Variants in EML4 observed in about 807,000 individuals in gnomAD.
EML4 encodes the protein EMAP like 4.
In EML4, 72 loss-of-function variants were observed where a neutral mutation model predicts 129.0. The ratio of observed to expected loss-of-function variants is 0.56; its 90% CI spans 0.46 to 0.68. The LOEUF is 0.68. Ranked by LOEUF, EML4 falls within the 30% of genes least tolerant of loss-of-function variation. The pLI is 0.00. For synonymous variants in EML4, 532 were observed against 405.0 expected (o/e 1.31, Z -3.77); for missense variants, 1,363 against 1,190.6 (o/e 1.14, Z -2.13).
chr2:42,176,613 C>T (rs923260395), intron 1 of EML4, among the ~76,000 whole-genome samples: 2 of 152,150 alleles, frequency 1.3e-5, no homozygotes, highest in African/African-American at 4.8e-5. Flanking sequence ...TATTTCCTTT[C>T]TAAAAATGTT....
chr2:42,261,500 A>G (rs1486154816), intron 4 of EML4: 4 of 169,630 alleles, frequency 2.4e-5, no homozygotes, highest in East Asian at 2.2e-4. Context: ...AAAACTGGAA[A>G]AAAAAAAAAA....
At chr2:42,173,496 G>C (rs1413428603) in intron 1 of EML4, among the ~76,000 whole-genome samples, 1 of 152,072 alleles carries the variant, frequency 6.6e-6, no homozygotes, top group Non-Finnish European at 1.5e-5. Flanking sequence ...TGGTTCTTAT[G>C]GGAAAGACAA....
In EML4 at chr2:42,176,464, C is replaced by T. The variant is rs577628856; in HGVS notation, c.25+6828C>T. ...ACATTCAAACATCTTAGCCTCTTAA[C>T]ATCTTCTCAAGTCCTCTGTCATCTC... On this transcript the variant is annotated intron_variant, in intron 1 of 22. Coordinates refer to ENST00000318522, the MANE Select transcript of EML4 (RefSeq NM_019063.5). Among the ~76,000 whole-genome samples the T allele has an allele frequency of 6.6e-5, 10 of 152,318 alleles. No individual in the cohort carries two copies. The South Asian group carries it at 2.1e-3, about 32-fold the overall frequency.
At chr2:42,203,451 T>G (rs1057027546) in intron 1 of EML4, among the ~76,000 whole-genome samples, 1 of 152,240 alleles carries the variant, frequency 6.6e-6, no homozygotes, top group East Asian at 1.9e-4. Flanking sequence ...AAGCAAAGTA[T>G]ATTGACATAG....
rs537166498 is a variant in EML4, at chr2:42,331,884, G to C, written c.*1677G>C. 2.2e-4 allele frequency: 49 copies of C among 218,330 alleles called. No individual in the cohort carries two copies. The highest frequency in any genetic ancestry group is 1.1e-3 in the African/African-American group (49 of 44,584). 13.5% of individuals were successfully genotyped at this position (218,330 alleles called of 1,614,324 possible). A position where few individuals can be genotyped will look rare whatever the true frequency, so the allele number is the denominator to read the frequency against. On this transcript the variant is annotated 3_prime_UTR_variant, in exon 23 of 23. Transcript: ENST00000318522. ...CACCACGTTGAAAATACTCAGTGTAGATCTCTATGTGTATAGGTATCTGTA... is the reference window on the plus strand; with the variant it reads ...CACCACGTTGAAAATACTCAGTGTACATCTCTATGTGTATAGGTATCTGTA...
intron 6 of EML4, among the ~76,000 whole-genome samples, chr2:42,275,260 T>G (rs1264470082): frequency 6.6e-6 from 1 of 152,188 alleles, no homozygotes; most frequent in Non-Finnish European, 1.5e-5. Context: ...ACTTTTCCTT[T>G]CATACTAAGT....
chr2:42,314,776 A>G (rs1337523773), intron 17 of EML4, among the ~76,000 whole-genome samples: 1 of 152,130 alleles, frequency 6.6e-6, no homozygotes, highest in Non-Finnish European at 1.5e-5. Flanking sequence ...TGCAGCCTTA[A>G]GTTTGTCTGT....
intron 1 of EML4, among the ~76,000 whole-genome samples, chr2:42,239,235 TA>T (rs1231060416): frequency 6.6e-6 from 1 of 152,188 alleles, no homozygotes; most frequent in Non-Finnish European, 1.5e-5. Context: ...TAGAAAGATA[TA>T]AAATCGGTAA....
intron 2 of EML4, among the ~76,000 whole-genome samples, chr2:42,254,176 C>T (rs944853896): frequency 2.0e-5 from 3 of 152,080 alleles, no homozygotes; most frequent in African/African-American, 7.2e-5. Flanking sequence ...AATTGGTGGT[C>T]GGGCACAGTG....
chr2:42,289,912 A>C (rs13025308), intron 11 of EML4: 8 of 115,504 alleles, frequency 6.9e-5, no homozygotes, highest in African/African-American at 3.2e-4. Flanking sequence ...TACTAAAAAT[A>C]CAAAAAAAAA....
chr2:42,290,350 T>G (rs1383131988), intron 11 of EML4, among the ~76,000 whole-genome samples: 1 of 152,032 alleles, frequency 6.6e-6, no homozygotes, highest in East Asian at 1.9e-4. Flanking sequence ...TTATGTAAAT[T>G]TAAAATTCAG....
intron 6 of EML4, among the ~76,000 whole-genome samples, chr2:42,276,380 C>G (rs890962156): frequency 5.3e-5 from 8 of 152,088 alleles, no homozygotes; most frequent in African/African-American, 1.9e-4. Flanking sequence ...ATGGGGTATT[C>G]GAATACAGTG....
chr2:42,225,550 T>G (rs1673904663), intron 1 of EML4, among the ~76,000 whole-genome samples: 2 of 152,214 alleles, frequency 1.3e-5, no homozygotes, highest in African/African-American at 4.8e-5. Context: ...AGTTTGTCAA[T>G]ATATACTTCC....
chr2:42,332,143 TGGA>T lies in EML4; in HGVS notation c.*1938_*1940del, dbSNP rs1367533296. On this transcript the variant is annotated 3_prime_UTR_variant, in exon 23 of 23. Coordinates refer to ENST00000318522, the MANE Select transcript of EML4 (RefSeq NM_019063.5). ...TATACTGACATGAACAGGCAGTTCTTGGAGAAGAAAGAGCATTTCTTTAAGTAC... is the reference window on the plus strand; with the variant it reads ...TATACTGACATGAACAGGCAGTTCTTGAAGAAAGAGCATTTCTTTAAGTAC... 1 of 221,590 alleles carries T rather than the reference TGGA, an allele frequency of 4.5e-6. No homozygotes were observed. The highest frequency in any genetic ancestry group is 9.0e-6 in the Non-Finnish European group (1 of 110,704). 13.7% of individuals were successfully genotyped at this position (221,590 alleles called of 1,614,324 possible).
chr2:42,297,637 C>T (rs888258414), intron 13 of EML4, among the ~76,000 whole-genome samples: 12 of 152,054 alleles, frequency 7.9e-5, no homozygotes, highest in Non-Finnish European at 1.8e-4. Flanking sequence ...AAGTCCAGAC[C>T]AGAGTAAGTG....
chr2:42,246,631 T>A (rs1675417056), intron 2 of EML4, among the ~76,000 whole-genome samples: 1 of 152,204 alleles, frequency 6.6e-6, no homozygotes, highest in African/African-American at 2.4e-5. Flanking sequence ...TATTGGTAGC[T>A]GAATTACATA....
At chr2:42,261,083 T>C in intron 3 of EML4, 38 bp from the exon 4 acceptor site, 3 of 1,458,216 alleles carry the variant, frequency 2.1e-6, no homozygotes, top group Non-Finnish European at 1.9e-6. Flanking sequence ...TTCATTTGTT[T>C]AAATGTGTAT....
At chr2:42,238,327 G>T (rs955111871) in intron 1 of EML4, among the ~76,000 whole-genome samples, 1 of 152,170 alleles carries the variant, frequency 6.6e-6, no homozygotes, top group Admixed American at 6.6e-5. Flanking sequence ...AGTTCAAAAA[G>T]CTTAGTTATT....
chr2:42,323,387 A>G (rs1007235117), intron 19 of EML4, among the ~76,000 whole-genome samples: 1 of 152,208 alleles, frequency 6.6e-6, no homozygotes, highest in African/African-American at 2.4e-5. Context: ...ATGCCTAGCA[A>G]GTGATTCCCA....
Sources: allele counts gnomAD v4.1 joint callset (sites outside exome capture counted in the v4.1 genomes callset), GRCh38; gene constraint gnomAD v4.1.1; transcripts MANE v1.5; gene names NCBI Gene and HGNC (gene_info 2026-07-23, HGNC 2026-07-21).